The following TENM2 variants were observed in gnomAD, a reference collection of about 807,000 sequenced individuals.
TENM2 encodes the protein teneurin-2.
In TENM2, 52 loss-of-function variants were observed where a neutral mutation model predicts 245.2. The observed-to-expected ratio is 0.21, with a 90% CI of 0.17 to 0.27. The LOEUF (loss-of-function observed/expected upper bound fraction) is 0.27, where lower values mean the gene tolerates loss of function less well. TENM2 is among the 10% of genes least tolerant of loss of function. TENM2 has a pLI of 1.00. For missense variants in TENM2, 3,046 were observed against 3,666.8 expected (o/e 0.83, Z 4.37); for synonymous variants, 1,363 against 1,438.9 (o/e 0.95, Z 1.19).
chr5:167,921,548 G>A (rs1351553950), intron 3 of TENM2, among the ~76,000 whole-genome samples: 1 of 152,052 alleles, frequency 6.6e-6, no homozygotes, highest in African/African-American at 2.4e-5. Flanking sequence ...CAGTCCCCGC[G>A]AGCTTTTGAG....
chr5:168,155,559 G>T (rs1232772724), intron 12 of TENM2, among the ~76,000 whole-genome samples: 1 of 152,108 alleles, frequency 6.6e-6, no homozygotes, highest in East Asian at 1.9e-4. Flanking sequence ...ATGTGGTATT[G>T]CTGGAGTTTT....
At chr5:168,081,540 A>G (rs953279346) in intron 7 of TENM2, among the ~76,000 whole-genome samples, 14 of 152,136 alleles carry the variant, frequency 9.2e-5, no homozygotes, top group African/African-American at 3.4e-4. Flanking sequence ...GGTGTTTACA[A>G]TTTGGCATGT....
At chr5:167,842,031 A>G (rs1328699692) in intron 2 of TENM2, among the ~76,000 whole-genome samples, 1 of 152,150 alleles carries the variant, frequency 6.6e-6, no homozygotes, top group Non-Finnish European at 1.5e-5. Context: ...AGAACCGTGA[A>G]TTCTTTTTGA....
At chr5:168,011,114 C>A (rs1785186356) in intron 5 of TENM2, among the ~76,000 whole-genome samples, 1 of 152,192 alleles carries the variant, frequency 6.6e-6, no homozygotes, top group African/African-American at 2.4e-5. Context: ...GAGTAATAAC[C>A]AGTCGCCTCA....
chr5:167,932,138 A>C (rs772191442), intron 3 of TENM2, among the ~76,000 whole-genome samples: 7 of 152,178 alleles, frequency 4.6e-5, no homozygotes, highest in Non-Finnish European at 8.8e-5. Context: ...AACTTCTGTG[A>C]GGCATCATCT....
intron 2 of TENM2, among the ~76,000 whole-genome samples, chr5:167,861,906 G>A (rs1273039842): frequency 6.6e-6 from 1 of 152,210 alleles, no homozygotes; most frequent in Non-Finnish European, 1.5e-5. Flanking sequence ...GAGAGAGCAA[G>A]GGAGAGTGCT....
the TENM2 span, among the ~76,000 whole-genome samples, chr5:167,028,831 C>T: frequency 5.3e-5 from 8 of 151,980 alleles, no homozygotes; most frequent in African/African-American, 1.2e-4. Context: ...CCCAAGCAGT[C>T]GAAGCTCTGC....
intron 2 of TENM2, among the ~76,000 whole-genome samples, chr5:167,822,594 A>G (rs557915402): frequency 1.8e-4 from 28 of 152,222 alleles, no homozygotes; most frequent in Non-Finnish European, 3.4e-4. Flanking sequence ...GAACTGTGGG[A>G]TAGTTTCAGA....
intron 2 of TENM2, among the ~76,000 whole-genome samples, chr5:167,500,275 A>G (rs1374895357): frequency 6.6e-6 from 1 of 152,016 alleles, no homozygotes; most frequent in Non-Finnish European, 1.5e-5. Flanking sequence ...TTAGTTGACA[A>G]CTGTTCTGTC....
intron 5 of TENM2, among the ~76,000 whole-genome samples, chr5:168,038,678 A>G (rs1787917412): frequency 1.3e-5 from 2 of 152,226 alleles, no homozygotes; most frequent in Non-Finnish European, 2.9e-5. Context: ...CCGCTTATGC[A>G]TAGTTGTGCA....
intron 3 of TENM2, among the ~76,000 whole-genome samples, chr5:167,935,448 C>T (rs1241490652): frequency 6.6e-6 from 1 of 152,218 alleles, no homozygotes; most frequent in Non-Finnish European, 1.5e-5. Context: ...ACCTGTTTCC[C>T]CAGGTTAAGC....
intron 5 of TENM2, among the ~76,000 whole-genome samples, chr5:168,016,613 G>T (rs569852480): frequency 6.6e-6 from 1 of 152,174 alleles, no homozygotes; most frequent in African/African-American, 2.4e-5. Flanking sequence ...CAGAAACCAC[G>T]TCTACTGCCT....
Position 168,180,316 on chromosome 5 carries a change from A to T in TENM2, c.2570-10021A>T, listed in dbSNP as rs139693637. Among the ~76,000 whole-genome samples, 11 of 152,384 alleles carry T rather than the reference A, an allele frequency of 7.2e-5. 1 individual carries two copies. In the East Asian group the frequency reaches 2.1e-3, roughly 29 times the overall value. On this transcript the variant is annotated intron_variant, in intron 13 of 28. Coordinates refer to ENST00000518659, the Ensembl canonical transcript of TENM2. ...TACTCCATGACAATATTAAAGACTC[A>T]TAACGTGTATCCATATATCAAAGCC...
chr5:168,083,678 T>C (rs1001728868), intron 7 of TENM2, among the ~76,000 whole-genome samples: 1 of 152,122 alleles, frequency 6.6e-6, no homozygotes, highest in African/African-American at 2.4e-5. Context: ...AGTTTTTTTT[T>C]CAAAGAATCA....
At chr5:167,718,276 C>T (rs965926277) in intron 2 of TENM2, among the ~76,000 whole-genome samples, 2 of 152,168 alleles carry the variant, frequency 1.3e-5, no homozygotes, top group Non-Finnish European at 2.9e-5. Context: ...CTCCGAGGAC[C>T]TCACCTGAAG....
Position 168,244,549 on chromosome 5 carries a change from C to A in TENM2, c.5650C>A (p.Pro1884Thr). 6.2e-7 allele frequency: 1 copy of A among 1,612,418 alleles called. No individual in the cohort carries two copies. Among genetic ancestry groups the A allele is most frequent in the Non-Finnish European group, 8.5e-7 (1 of 1,179,010 alleles). Residue 1884 changes from proline (P) to threonine (T), a missense_variant, in exon 26 of 29, where the codon CCC (proline) becomes ACC (threonine). Physicochemically the swap from Pro to Thr is conservative, Grantham distance 38. Transcript: ENST00000518659. This position sits in a 1 kb window ranked among gnomAD's most constrained non-coding sequence, Gnocchi z 4.9. ...GGTGGGCCGCCCCTTCCTCTGGCTG[C>A]CCAGCAGCGGGCTGGCAGCTGTCAA... is the stretch of plus-strand genomic sequence containing the variant.
Position 167,445,365 on chromosome 5 carries a change from AGAGAGT to A in TENM2, c.502+69894_502+69899del, listed in dbSNP as rs1347896859. Among the ~76,000 whole-genome samples, 462 of 130,146 alleles carry A rather than the reference AGAGAGT, an allele frequency of 3.5e-3. 8 individuals carry two copies. Among genetic ancestry groups the A allele is most frequent in the Non-Finnish European group, 4.2e-3 (261 of 61,738 alleles). 85.4% of individuals were successfully genotyped at this position (130,146 alleles called of 152,430 possible). On this transcript the variant is annotated intron_variant, in intron 2 of 28. Coordinates refer to ENST00000518659, the Ensembl canonical transcript of TENM2. ...GAGAGAGAGAGAGAGAGAGAGAGAG[AGAGAGT>A]GTCAGGTGTTGTCTTGTTGTTGGGC...
At chr5:167,152,211 A>G in the TENM2 span, among the ~76,000 whole-genome samples, 3 of 152,234 alleles carry the variant, frequency 2.0e-5, no homozygotes, top group Non-Finnish European at 4.4e-5. Context: ...CTTACATGGT[A>G]TGAAGCAGAA....
At chr5:167,058,549 A>G in the TENM2 span, among the ~76,000 whole-genome samples, 2 of 152,184 alleles carry the variant, frequency 1.3e-5, no homozygotes, top group African/African-American at 2.4e-5. Flanking sequence ...ACTTGAAGCC[A>G]GGAATTTGAG....
Sources: allele counts gnomAD v4.1 joint callset (sites outside exome capture counted in the v4.1 genomes callset), GRCh38; gene constraint gnomAD v4.1.1; non-coding constraint Gnocchi (gnomAD v3.1); transcripts MANE v1.5; gene names NCBI Gene and HGNC (gene_info 2026-07-23, HGNC 2026-07-21).